Variants in ARHGAP32 observed in about 807,000 individuals in gnomAD.
ARHGAP32 encodes the protein rho GTPase-activating protein 32.
Under a neutral mutation model 186.5 loss-of-function variants are expected in ARHGAP32, and 51 were observed. The observed-to-expected ratio is 0.27, with a 90% CI of 0.22 to 0.35. The LOEUF is 0.35. Ranked by LOEUF, ARHGAP32 falls within the 10% of genes least tolerant of loss-of-function variation. The pLI, the probability that ARHGAP32 is intolerant of heterozygous loss-of-function variation, is 1.00. For missense variants in ARHGAP32, 2,186 were observed against 2,623.5 expected (o/e 0.83, Z 3.64); for synonymous variants, 950 against 964.3 (o/e 0.99, Z 0.27).
chr11:128,985,846 G>GTATATA (rs1945852056), intron 15 of ARHGAP32, 157 bp downstream of exon 15: 1 of 126,016 alleles, frequency 7.9e-6, no homozygotes, highest in African/African-American at 4.3e-5. Context: ...GTGTGTGTGT[G>GTATATA]TGTGTGTGTG....
intron 1 of ARHGAP32, among the ~76,000 whole-genome samples, chr11:129,207,112 C>A (rs778993186): frequency 3.2e-4 from 48 of 152,228 alleles, no homozygotes; most frequent in Non-Finnish European, 5.3e-4. Flanking sequence ...GCATAGTATT[C>A]CATGGTGTAT....
chr11:129,069,571 A>G (rs1009688936), intron 6 of ARHGAP32, among the ~76,000 whole-genome samples: 1 of 152,068 alleles, frequency 6.6e-6, no homozygotes, highest in Non-Finnish European at 1.5e-5. Context: ...AAAAGTTAAT[A>G]TATCTTTAGA....
rs115156682 is a variant in ARHGAP32, at chr11:129,210,980, A to G, written c.-4-46553T>C. Among the ~76,000 whole-genome samples the G allele has an allele frequency of 6.7e-3, 1,026 of 152,110 alleles. 14 individuals are homozygous for G. Among genetic ancestry groups the G allele is most frequent in the African/African-American group, 0.024 (988 of 41,462 alleles). ...ATTCATGCCACTCTGTTGCTACTTC[A>G]ATTTGGTCACTTACTATGTCCTGGT... On this transcript the variant is annotated intron_variant, in intron 1 of 6. Coordinates refer to the ARHGAP32 transcript ENST00000525234.
chr11:128,995,363 T>G (rs1011567123), intron 12 of ARHGAP32, among the ~76,000 whole-genome samples: 1 of 152,272 alleles, frequency 6.6e-6, no homozygotes, highest in South Asian at 2.1e-4. Context: ...TGTGCCACCA[T>G]GCCCAGCTCG....
At chr11:129,072,223 A>G (rs1342913713) in intron 6 of ARHGAP32, among the ~76,000 whole-genome samples, 4 of 152,198 alleles carry the variant, frequency 2.6e-5, no homozygotes, top group African/African-American at 9.7e-5. Flanking sequence ...TATTTAAAAT[A>G]TATTTTTAAA....
At position 128,974,595 on chromosome 11, in the gene ARHGAP32, G is replaced by T. The variant is rs760434809; in HGVS notation, c.2602C>A (p.Pro868Thr). ...QTPGSTASSE[P>T]VSPLQEKLSP... ...AGTTTCTCCTGAAGAGGAGAGACAGGTTCAGAGCTTGCTGTGCTTCCTGGA... is the reference window on the plus strand; with the variant it reads ...AGTTTCTCCTGAAGAGGAGAGACAGTTTCAGAGCTTGCTGTGCTTCCTGGA... The change falls in exon 21 of 23, where the codon CCT becomes ACT. Residue 868 changes from proline to threonine, a missense_variant. Pro to Thr is a conservative substitution (Grantham distance 38). Around this residue, in one of 5 missense-constraint regions of ARHGAP32, gnomAD observed 1,502 missense variants for 1,570.0 expected, o/e 0.96. Coordinates refer to ENST00000682385, the MANE Select transcript of ARHGAP32 (RefSeq NM_001378024.1). The T allele has an allele frequency of 6.2e-7, 1 of 1,614,192 alleles. No individual in the cohort carries two copies. The highest frequency in any genetic ancestry group is 8.5e-7 in the Non-Finnish European group (1 of 1,180,032).
In ARHGAP32 at chr11:128,974,936, T is replaced by C. The variant is rs149902728; in HGVS notation, c.2261A>G (p.Asn754Ser). The C allele has an allele frequency of 1.9e-6, 3 of 1,614,022 alleles. No homozygotes were observed. Among genetic ancestry groups the C allele is most frequent in the African/African-American group, 1.3e-5 (1 of 75,050 alleles). ...ACAGCGGTTCCCCAGCATTTCTCCA[T>C]TAAAAGAGGCAGACAGTGCATCACT... ...SSSDALSASF[N>S]GEMLGNRCNS... Residue 754 changes from asparagine to serine, a missense_variant, in exon 21 of 23, where the codon AAT (asparagine) becomes AGT (serine). Asn to Ser is a conservative substitution (Grantham distance 46, BLOSUM62 1). This residue lies in a region of ARHGAP32 where 263 missense variants were observed against 323.5 expected (regional missense o/e 0.81). Transcript: ENST00000682385.
chr11:129,208,965 A>AT (rs1266040792), intron 1 of ARHGAP32, among the ~76,000 whole-genome samples: 1 of 152,168 alleles, frequency 6.6e-6, no homozygotes, highest in Non-Finnish European at 1.5e-5. Flanking sequence ...CAAGAGCTTA[A>AT]TAACAAAAAC....
Position 128,981,920 on chromosome 11 carries a change from T to A in ARHGAP32, c.1543A>T (p.Met515Leu). The change falls in exon 16 of 23, where the codon ATG (methionine) becomes TTG (leucine). Residue 515 changes from methionine (M) to leucine (L), a missense_variant. By Grantham distance (15) the Met-to-Leu change is conservative. Transcript: ENST00000682385. ...PPHYRTLEFL[M>L]RHLSLLADYC... ...TCAGCTAGAAGAGACAAGTGTCTCATCAGGAACTCCAGTGTTCTGGAAATA... is the reference window on the plus strand; with the variant it reads ...TCAGCTAGAAGAGACAAGTGTCTCAACAGGAACTCCAGTGTTCTGGAAATA... 2 of 1,608,442 alleles carry A rather than the reference T, an allele frequency of 1.2e-6. No homozygotes were observed. Among genetic ancestry groups the A allele is most frequent in the Non-Finnish European group, 1.7e-6 (2 of 1,176,134 alleles).
intron 11 of ARHGAP32, among the ~76,000 whole-genome samples, chr11:129,002,571 G>A (rs1279848290): frequency 6.6e-6 from 1 of 152,044 alleles, no homozygotes; most frequent in Non-Finnish European, 1.5e-5. Context: ...TTCAATTTGA[G>A]TGCCCTTTAT....
chr11:129,019,538 C>T (rs1460648538), intron 11 of ARHGAP32, among the ~76,000 whole-genome samples: 2 of 152,100 alleles, frequency 1.3e-5, no homozygotes, highest in East Asian at 1.9e-4. Flanking sequence ...TGTGTAATAA[C>T]TTAAATGTAA....
chr11:129,080,060 C>T (rs1941175762), intron 6 of ARHGAP32, among the ~76,000 whole-genome samples: 1 of 152,006 alleles, frequency 6.6e-6, no homozygotes, highest in Non-Finnish European at 1.5e-5. Flanking sequence ...TATCACAATC[C>T]TAAATATATA....
intron 10 of ARHGAP32, among the ~76,000 whole-genome samples, chr11:129,049,794 G>A (rs1413873438): frequency 2.0e-5 from 3 of 152,260 alleles, no homozygotes; most frequent in African/African-American, 7.2e-5. Context: ...AGATATTAGG[G>A]TCGTTTCCAG....
intron 19 of ARHGAP32, 102 bp from the exon 20 acceptor site, chr11:128,976,736 T>C (rs1945553320): frequency 2.1e-6 from 2 of 961,910 alleles, no homozygotes; most frequent in East Asian, 4.9e-5. Context: ...TTGAGAGTGA[T>C]TAGCTGTACA....
chr11:129,178,306 T>C (rs1329511767), intron 1 of ARHGAP32, among the ~76,000 whole-genome samples: 1 of 151,658 alleles, frequency 6.6e-6, no homozygotes, highest in Non-Finnish European at 1.5e-5. Context: ...TACAAACAAA[T>C]GGAAGAACAT....
At chr11:129,235,081 TC>T (rs1944910555) in intron 1 of ARHGAP32, among the ~76,000 whole-genome samples, 1 of 152,146 alleles carries the variant, frequency 6.6e-6, no homozygotes, top group Non-Finnish European at 1.5e-5. Context: ...ACAATAATTA[TC>T]CTTATAAGAG....
At chr11:129,087,610 G>A (rs1941445009) in intron 6 of ARHGAP32, among the ~76,000 whole-genome samples, 1 of 152,150 alleles carries the variant, frequency 6.6e-6, no homozygotes, top group Admixed American at 6.5e-5. Flanking sequence ...ATGAATCAGA[G>A]GGACACGGAG....
intron 10 of ARHGAP32, among the ~76,000 whole-genome samples, chr11:129,059,473 C>T (rs1940398743): frequency 6.6e-6 from 1 of 150,806 alleles, no homozygotes; most frequent in Non-Finnish European, 1.5e-5. Context: ...CTGTGGATTC[C>T]TGCCTTAAAA....
rs751109752 is a variant in ARHGAP32, at chr11:128,976,544, C to T, written c.2194+19G>A. 4 of 1,593,752 alleles carry T rather than the reference C, an allele frequency of 2.5e-6. No individual in the cohort carries two copies. Among genetic ancestry groups the T allele is most frequent in the Non-Finnish European group, 8.6e-7 (1 of 1,161,974 alleles). On this transcript the variant is annotated intron_variant, in intron 20 of 22. Coordinates refer to ENST00000682385, the MANE Select transcript of ARHGAP32 (RefSeq NM_001378024.1). ...TGCAATATATTATAGAATAAAATGA[C>T]TGATGCTTTTAGTCTTACCATCAAC... is the stretch of plus-strand genomic sequence containing the variant.
Sources: allele counts gnomAD v4.1 joint callset (sites outside exome capture counted in the v4.1 genomes callset), GRCh38; gene constraint gnomAD v4.1.1; regional missense constraint gnomAD v4.1.1; transcripts MANE v1.5; gene names NCBI Gene and HGNC (gene_info 2026-07-23, HGNC 2026-07-21).